RIT1: variants seen among roughly 807,000 people sequenced by gnomAD.
RIT1 encodes the protein Ras like without CAAX 1, also known as GTP-binding protein Rit1.
RIT1 carries 6 observed loss-of-function variants against 25.6 expected under a neutral mutation model. The observed-to-expected ratio is 0.23, with a 90% CI of 0.13 to 0.46. The LOEUF is 0.46. Among genes scored for constraint, RIT1 ranks in the 20% least tolerant of loss-of-function variants. The probability of loss-of-function intolerance (pLI) is 0.99; values close to 1 mark genes in which losing one functional copy is unlikely to be tolerated. For synonymous variants in RIT1, 81 were observed against 94.1 expected (o/e 0.86, Z 0.80); for missense variants, 219 against 284.4 (o/e 0.77, Z 1.65).
At chr1:155,905,281 T>C (rs1348719359) in intron 3 of RIT1, among the ~76,000 whole-genome samples, 3 of 151,992 alleles carry the variant, frequency 2.0e-5, no homozygotes, top group Non-Finnish European at 2.9e-5. Flanking sequence ...ACTGTAGCCT[T>C]GACTTCCCAG....
At position 155,898,280 on chromosome 1, in the gene RIT1, G is replaced by A. The variant is rs894149284; in HGVS notation, c.*2108C>T. 2.0e-5 allele frequency: 3 copies of A among 151,670 alleles called. No individual in the cohort carries two copies. Among genetic ancestry groups the A allele is most frequent in the Non-Finnish European group, 2.9e-5 (2 of 67,918 alleles). The allele number at this position is 151,670 out of a possible 1,614,324, so 9.4% of individuals were successfully genotyped here. A position where few individuals can be genotyped will look rare whatever the true frequency, so the allele number is the denominator to read the frequency against. ...TGACAGTGATAGTCTTAAAAACACC[G>A]ATTTGTTATTTTCCTTATATATAAT... On this transcript the variant is annotated 3_prime_UTR_variant, in exon 6 of 6. Coordinates refer to ENST00000368323, the MANE Select transcript of RIT1 (RefSeq NM_006912.6).
chr1:155,910,865 G>A (rs569121652), intron 1 of RIT1, 61 bp from the exon 2 acceptor site: 4 of 1,597,366 alleles, frequency 2.5e-6, no homozygotes, highest in Non-Finnish European at 3.4e-6. Flanking sequence ...CAGCCCTCAA[G>A]CCAGTGCCTT....
At chr1:155,906,318 C>T (rs1039426948) in intron 3 of RIT1, among the ~76,000 whole-genome samples, 7 of 152,124 alleles carry the variant, frequency 4.6e-5, no homozygotes, top group Non-Finnish European at 8.8e-5. Context: ...AACATTTTTT[C>T]TTGAATTCCT....
Position 155,900,320 on chromosome 1 carries a change from T to A in RIT1, c.*68A>T, listed in dbSNP as rs965206133. On this transcript the variant is annotated 3_prime_UTR_variant, in exon 6 of 6. Transcript: ENST00000368323. ...GTGAAAGAGCAAGCACCATACTCAGTACTGCAGGTTACTGGACTGCTTTGA... is the reference window on the plus strand; with the variant it reads ...GTGAAAGAGCAAGCACCATACTCAGAACTGCAGGTTACTGGACTGCTTTGA... The A allele has an allele frequency of 3.7e-6, 4 of 1,079,956 alleles. No homozygotes were observed. The African/African-American group carries it at 4.7e-5, about 13-fold the overall frequency. The allele number at this position is 1,079,956 out of a possible 1,614,324, so 66.9% of individuals were successfully genotyped here. A position where few individuals can be genotyped will look rare whatever the true frequency, so the allele number is the denominator to read the frequency against.
intron 3 of RIT1, among the ~76,000 whole-genome samples, chr1:155,909,062 A>G (rs930516071): frequency 1.3e-5 from 2 of 152,042 alleles, no homozygotes; most frequent in African/African-American, 4.8e-5. Context: ...AACTAGGATC[A>G]TGGCAAAGAG....
Position 155,904,815 on chromosome 1 carries a change from G to A in RIT1, c.164-11C>T, listed in dbSNP as rs960250196. 2.2e-5 allele frequency: 35 copies of A among 1,580,332 alleles called. No individual in the cohort carries two copies. The highest frequency in any genetic ancestry group is 2.9e-5 in the Non-Finnish European group (33 of 1,149,526). ...TCTTATAAGCATCTTCTACAGGAGG[G>A]AAGAAAGGTGTACTATAAAGTCATA... is the stretch of plus-strand genomic sequence containing the variant. On this transcript the variant is annotated splice_polypyrimidine_tract_variant and intron_variant, in intron 3 of 5. Coordinates refer to ENST00000368323, the MANE Select transcript of RIT1 (RefSeq NM_006912.6).
chr1:155,908,229 AC>A (rs1673495773), intron 3 of RIT1, among the ~76,000 whole-genome samples: 1 of 151,848 alleles, frequency 6.6e-6, no homozygotes, highest in South Asian at 2.1e-4. Flanking sequence ...GCCAAGGCAG[AC>A]AGATCACGAG....
At chr1:155,906,430 C>G (rs1022650955) in intron 3 of RIT1, among the ~76,000 whole-genome samples, 3 of 151,838 alleles carry the variant, frequency 2.0e-5, no homozygotes, top group Non-Finnish European at 4.4e-5. Context: ...GGGCCGGGAC[C>G]AGCATTAAAA....
rs931085135 is a variant in RIT1 at position 155,899,585 on chromosome 1, T to C, written c.*803A>G. 8.4e-5 allele frequency: 19 copies of C among 225,604 alleles called. No individual in the cohort carries two copies. Among genetic ancestry groups the C allele is most frequent in the Non-Finnish European group, 9.7e-5 (11 of 113,140 alleles). The allele number at this position is 225,604 out of a possible 1,614,324, so 14.0% of individuals were successfully genotyped here. A position where few individuals can be genotyped will look rare whatever the true frequency, so the allele number is the denominator to read the frequency against. On this transcript the variant is annotated 3_prime_UTR_variant, in exon 6 of 6. Coordinates refer to ENST00000368323, the MANE Select transcript of RIT1 (RefSeq NM_006912.6). ...AGGCAATGGCTGATCCAACTATGAA[T>C]TTTGATTAAACACGTTTAGTAATAC...
At chr1:155,904,626 T>C in intron 4 of RIT1, 105 bp downstream of exon 4, 1 of 1,221,538 alleles carries the variant, frequency 8.2e-7, no homozygotes, top group Non-Finnish European at 1.2e-6. Context: ...TCAGAGTGCA[T>C]GAAAAATTAA....
At chr1:155,900,756 A>AT in intron 5 of RIT1, 138 bp from the exon 6 acceptor site, 1 of 649,256 alleles carries the variant, frequency 1.5e-6, no homozygotes. Flanking sequence ...AATTTTTGTA[A>AT]TTTTAGGCTA....
intron 5 of RIT1, among the ~76,000 whole-genome samples, chr1:155,903,523 T>C (rs2993207): frequency 0.52 from 77,713 of 150,596 alleles, 23,198 homozygotes; most frequent in Non-Finnish European, 0.67. Flanking sequence ...CACTAAAATA[T>C]TGAAAACTAT....
Position 155,910,751 on chromosome 1 carries a change from C to T in RIT1, c.11G>A (p.Gly4Glu), listed in dbSNP as rs2102591253. ...ACAGCAGCTACCAACTGGGCGAGTT[C>T]CAGAATCCATTGTCCTCTTGGGGCC... Reference protein sequence around the residue: MDSGTRPVGSCCSS... With the variant: MDSETRPVGSCCSS... Residue 4 changes from glycine (G) to glutamate (E), a missense_variant, in exon 2 of 6, where the codon GGA becomes GAA. Around this residue, in one of 3 missense-constraint regions of RIT1, gnomAD observed 131 missense variants for 173.6 expected, o/e 0.75. Coordinates refer to ENST00000368323, the MANE Select transcript of RIT1 (RefSeq NM_006912.6). 5 of 1,614,254 alleles carry T rather than the reference C, an allele frequency of 3.1e-6. No individual in the cohort carries two copies. Among genetic ancestry groups the T allele is most frequent in the Non-Finnish European group, 4.2e-6 (5 of 1,180,034 alleles).
rs1002731485 is a variant in RIT1 at position 155,899,777 on chromosome 1, C to G, written c.*611G>C. The G allele has an allele frequency of 9.1e-6, 2 of 220,328 alleles. No homozygotes were observed. The highest frequency in any genetic ancestry group is 1.8e-5 in the Non-Finnish European group (2 of 110,022). 13.6% of individuals were successfully genotyped at this position (220,328 alleles called of 1,614,324 possible). On this transcript the variant is annotated 3_prime_UTR_variant, in exon 6 of 6. Transcript: ENST00000368323. ...GCCAAATGTGTACTTCTTAGAAAAG[C>G]GAAGCTTGTACTGAGAATACTGTTC... is the stretch of plus-strand genomic sequence containing the variant.
At chr1:155,910,970 C>A (rs76879730) in intron 1 of RIT1, 166 bp from the exon 2 acceptor site, 1 of 823,968 alleles carries the variant, frequency 1.2e-6, no homozygotes, top group Non-Finnish European at 1.8e-6. Context: ...GAAACCCCCC[C>A]ATCTTCACCC....
At chr1:155,906,950 C>G (rs1368394446) in intron 3 of RIT1, among the ~76,000 whole-genome samples, 2 of 151,368 alleles carry the variant, frequency 1.3e-5, no homozygotes, top group African/African-American at 2.4e-5. Flanking sequence ...TACTAAAAAT[C>G]CAAAAATATT....
In RIT1 at chr1:155,904,717, C is replaced by T. The variant is rs772575179; in HGVS notation, c.237+14G>A. 4 of 1,592,254 alleles carry T rather than the reference C, an allele frequency of 2.5e-6. No homozygotes were observed. The highest frequency in any genetic ancestry group is 3.4e-6 in the Non-Finnish European group (4 of 1,160,252). ...TAAAAAAGCCTTTACTCATAACATTCTGGGATTTAATACCTGTCCAGCTGT... is the reference window on the plus strand; with the variant it reads ...TAAAAAAGCCTTTACTCATAACATTTTGGGATTTAATACCTGTCCAGCTGT... On this transcript the variant is annotated intron_variant, in intron 4 of 5. Coordinates refer to ENST00000368323, the MANE Select transcript of RIT1 (RefSeq NM_006912.6).
At chr1:155,906,234 A>T (rs1673436547) in intron 3 of RIT1, among the ~76,000 whole-genome samples, 1 of 151,990 alleles carries the variant, frequency 6.6e-6, no homozygotes, top group South Asian at 2.2e-4. Flanking sequence ...ATAGAAAACT[A>T]AAAAGAAAAA....
intron 5 of RIT1, among the ~76,000 whole-genome samples, chr1:155,901,614 C>G (rs898459781): frequency 4.0e-5 from 6 of 151,856 alleles, no homozygotes; most frequent in Non-Finnish European, 7.4e-5. Flanking sequence ...CTCCAGGTGT[C>G]ACACTCCAGC....
Sources: allele counts gnomAD v4.1 joint callset (sites outside exome capture counted in the v4.1 genomes callset), GRCh38; gene constraint gnomAD v4.1.1; regional missense constraint gnomAD v4.1.1; transcripts MANE v1.5; gene names NCBI Gene and HGNC (gene_info 2026-07-23, HGNC 2026-07-21).